The following NDNF variants were observed in gnomAD, a reference collection of about 807,000 sequenced individuals.
The protein encoded by NDNF is protein NDNF.
NDNF carries 16 observed loss-of-function variants against 42.0 expected under a neutral mutation model. That is an observed-to-expected ratio of 0.38 (90% CI 0.26 to 0.58). The LOEUF is 0.58. Among genes scored for constraint, NDNF ranks in the 20% least tolerant of loss-of-function variants. The pLI is 0.67. For synonymous variants in NDNF, 248 were observed against 251.7 expected (o/e 0.99, Z 0.14); for missense variants, 616 against 666.2 (o/e 0.92, Z 0.83).
rs571934982 is a variant in NDNF, at chr4:121,041,474, G to C, written c.189-1420C>G. Among the ~76,000 whole-genome samples the C allele has an allele frequency of 3.3e-5, 5 of 152,288 alleles. No individual in the cohort carries two copies. The South Asian group carries it at 1.0e-3, about 32-fold the overall frequency. ...ACCTCCCTGAACTCTAATGTTGGGA[G>C]TGAACCACAGGACTGTGCTTGAACG... is the stretch of plus-strand genomic sequence containing the variant. On this transcript the variant is annotated intron_variant, in intron 2 of 3. Coordinates refer to ENST00000379692, the MANE Select transcript of NDNF (RefSeq NM_024574.4).
chr4:121,045,714 C>A lies in NDNF; in HGVS notation c.124G>T (p.Asp42Tyr). ...MQIRDKAFFHDSSVIPDGAEI... is the reference protein window; with the variant it reads ...MQIRDKAFFHYSSVIPDGAEI... ...GCTCCATCTGGAATTACTGACGAAT[C>A]ATGAAAAAATGCCTTGTCCCGGATC... The change falls in exon 2 of 4, where the codon GAT becomes TAT. Residue 42 changes from aspartate (D) to tyrosine (Y), a missense_variant. Asp to Tyr is a radical substitution (Grantham distance 160). Transcript: ENST00000379692. 1 of 1,614,158 alleles carries A rather than the reference C, an allele frequency of 6.2e-7. No individual in the cohort carries two copies. The highest frequency in any genetic ancestry group is 8.5e-7 in the Non-Finnish European group (1 of 1,180,008).
intron 1 of NDNF, among the ~76,000 whole-genome samples, chr4:121,057,946 G>A (rs1553925111): frequency 6.6e-6 from 1 of 152,162 alleles, no homozygotes; most frequent in Non-Finnish European, 1.5e-5. Flanking sequence ...AGGCCAATAA[G>A]GTGGAATTAC....
intron 1 of NDNF, among the ~76,000 whole-genome samples, chr4:121,062,719 C>G (rs1404712511): frequency 6.6e-6 from 1 of 151,742 alleles, no homozygotes; most frequent in Non-Finnish European, 1.5e-5. Context: ...TTTCTTTTCT[C>G]TTTTTTATTT....
chr4:121,063,336 A>G (rs3956527), intron 1 of NDNF, among the ~76,000 whole-genome samples: 2 of 152,038 alleles, frequency 1.3e-5, no homozygotes, highest in Admixed American at 1.3e-4. Context: ...CTAATCCCAA[A>G]TTTTCTTATT....
chr4:121,039,359 T>A (rs1431741845), intron 3 of NDNF, among the ~76,000 whole-genome samples: 1 of 151,122 alleles, frequency 6.6e-6, no homozygotes, highest in East Asian at 2.0e-4. Flanking sequence ...TCTCTTTTAT[T>A]TTATTTGCTC....
intron 1 of NDNF, among the ~76,000 whole-genome samples, chr4:121,048,683 CA>C (rs550002372): frequency 2.2e-4 from 33 of 152,178 alleles, no homozygotes; most frequent in African/African-American, 6.3e-4. Flanking sequence ...ACTAAAAATA[CA>C]AAAATTAGCT....
At chr4:121,045,365 A>G (rs1727072265) in intron 2 of NDNF, among the ~76,000 whole-genome samples, 2 of 152,118 alleles carry the variant, frequency 1.3e-5, no homozygotes. Flanking sequence ...GAAAAAAAAA[A>G]AAAAATCCTC....
In NDNF at chr4:121,036,027, C is replaced by T. The variant is rs920189501; in HGVS notation, c.*237G>A. On this transcript the variant is annotated 3_prime_UTR_variant, in exon 4 of 4. Transcript: ENST00000379692. ...GAATGGCAAGTTCCTTCAAGAAGCC[C>T]TCTATCTTTGACACCAACCGGCATC... The T allele has an allele frequency of 6.2e-5, 27 of 436,282 alleles. No homozygotes were observed. Among genetic ancestry groups the T allele is most frequent in the African/African-American group, 5.2e-4 (26 of 49,594 alleles). 27.0% of individuals were successfully genotyped at this position (436,282 alleles called of 1,614,324 possible). A position where few individuals can be genotyped will look rare whatever the true frequency, so the allele number is the denominator to read the frequency against.
At chr4:121,045,909 A>G (rs1727084304) in intron 1 of NDNF, 71 bp from the exon 2 acceptor site, 1 of 1,445,860 alleles carries the variant, frequency 6.9e-7, no homozygotes, top group East Asian at 2.3e-5. Context: ...GACTTTCTAA[A>G]GGGTTAACAC....
chr4:121,051,888 A>G (rs1348833566), intron 1 of NDNF, among the ~76,000 whole-genome samples: 2 of 152,220 alleles, frequency 1.3e-5, no homozygotes, highest in African/African-American at 4.8e-5. Context: ...ATAGACTGCT[A>G]TTTGGCTATA....
chr4:121,067,336 G>A lies in NDNF; in HGVS notation c.-2+4657C>T, dbSNP rs765815299. ...GATTCATTTTAGAGTTTTCATAAGT[G>A]AAGCTAAAAATAAATACTTCAGAGA... On this transcript the variant is annotated intron_variant, in intron 1 of 3. Coordinates refer to ENST00000379692, the MANE Select transcript of NDNF (RefSeq NM_024574.4). Among the ~76,000 whole-genome samples the A allele has an allele frequency of 2.0e-5, 3 of 152,110 alleles. No individual in the cohort carries two copies. The South Asian group carries it at 6.3e-4, about 32-fold the overall frequency.
intron 1 of NDNF, among the ~76,000 whole-genome samples, chr4:121,051,454 C>T (rs545436119): frequency 6.3e-4 from 96 of 152,148 alleles, no homozygotes; most frequent in African/African-American, 2.1e-3. Context: ...TCCCACAAAC[C>T]TGTGGAAATG....
rs1053333921 is a variant in NDNF at position 121,036,929 on chromosome 4, C to G, written c.1042G>C (p.Gly348Arg). ...AKQKTVELKDGKITDVFVKRK... is the reference protein window; with the variant it reads ...AKQKTVELKDRKITDVFVKRK... ...TTAACAAATACATCTGTTATCTTCC[C>G]ATCTTTTAGCTCGACTGTCTTCTGT... Residue 348 changes from glycine (G) to arginine (R), a missense_variant, in exon 4 of 4, where the codon GGG (glycine) becomes CGG (arginine). Physicochemically the swap from Gly to Arg is moderately radical, Grantham distance 125. Coordinates refer to ENST00000379692, the MANE Select transcript of NDNF (RefSeq NM_024574.4). 1.2e-6 allele frequency: 2 copies of G among 1,613,882 alleles called. No individual in the cohort carries two copies. The highest frequency in any genetic ancestry group is 1.7e-6 in the Non-Finnish European group (2 of 1,179,996).
At chr4:121,045,614 A>T (rs770312699) in intron 2 of NDNF, 36 bp downstream of exon 2, 3 of 1,572,820 alleles carry the variant, frequency 1.9e-6, no homozygotes, top group Non-Finnish European at 1.7e-6. Flanking sequence ...ATCCTTTGTG[A>T]GCTTTTTAAT....
Position 121,037,492 on chromosome 4 carries a change from T to G in NDNF, c.479A>C (p.Lys160Thr). ...LLSTEKDTHF[K>T]VYATTTPESD... ...TTCTGGAGTTGTGGTGGCATATACT[T>G]TGAAATGTGTGTCTTTCTCTGTTGA... The change falls in exon 4 of 4, where the codon AAA (lysine) becomes ACA (threonine). Residue 160 changes from lysine (K) to threonine (T), a missense_variant. By Grantham distance (78) the Lys-to-Thr change is moderately conservative. Transcript: ENST00000379692. 6.2e-7 allele frequency: 1 copy of G among 1,614,164 alleles called. No homozygotes were observed. The highest frequency in any genetic ancestry group is 2.2e-5 in the East Asian group (1 of 44,880).
intron 1 of NDNF, among the ~76,000 whole-genome samples, chr4:121,066,013 G>C (rs1403061041): frequency 1.3e-5 from 2 of 151,998 alleles, no homozygotes; most frequent in Non-Finnish European, 2.9e-5. Flanking sequence ...TTTTCAGGTA[G>C]TGTTTTGGTA....
At chr4:121,046,763 T>C (rs1467897022) in intron 1 of NDNF, among the ~76,000 whole-genome samples, 1 of 152,210 alleles carries the variant, frequency 6.6e-6, no homozygotes, top group Non-Finnish European at 1.5e-5. Context: ...GATGGATCAT[T>C]CTCTACTGCA....
intron 1 of NDNF, among the ~76,000 whole-genome samples, chr4:121,070,895 C>A (rs373815206): frequency 8.5e-5 from 13 of 152,124 alleles, no homozygotes; most frequent in African/African-American, 3.1e-4. Flanking sequence ...GCCGGAGGGA[C>A]AGCTCAGAGA....
rs751244708 is a variant in NDNF, at chr4:121,036,996, G to A, written c.975C>T (p.Thr325=). Residue 325 remains threonine (T), a synonymous_variant, in exon 4 of 4, where the codon ACC becomes ACT. Transcript: ENST00000379692. ...FVVNINSNMS[T]AYVGTFARTK... The stretch of plus-strand genomic sequence containing the variant: ...TCCTGGCAAAGGTACCTACATAAGC[G>A]GTGCTCATGTTGCTGTTGATGTTGA... 1.3e-4 allele frequency: 214 copies of A among 1,613,736 alleles called. No individual in the cohort carries two copies. Among genetic ancestry groups the A allele is most frequent in the African/African-American group, 1.6e-4 (12 of 74,856 alleles).
Sources: allele counts gnomAD v4.1 joint callset (sites outside exome capture counted in the v4.1 genomes callset), GRCh38; gene constraint gnomAD v4.1.1; transcripts MANE v1.5; gene names NCBI Gene and HGNC (gene_info 2026-07-23, HGNC 2026-07-21).